The following UBE2E2 variants were observed in gnomAD, a reference collection of about 807,000 sequenced individuals.
UBE2E2 encodes the protein ubiquitin-conjugating enzyme E2 E2.
UBE2E2 carries 6 observed loss-of-function variants against 24.7 expected under a neutral mutation model. The ratio of observed to expected loss-of-function variants is 0.24; its 90% confidence interval spans 0.13 to 0.48. UBE2E2 has a LOEUF of 0.48. Among genes scored for constraint, UBE2E2 ranks in the 20% least tolerant of loss-of-function variants. The probability of loss-of-function intolerance (pLI) is 0.99; values close to 1 mark genes in which losing one functional copy is unlikely to be tolerated. For missense variants in UBE2E2, 169 were observed against 245.0 expected, an observed-to-expected ratio of 0.69 and a Z score of 2.07; for synonymous variants, 104 against 83.6, an observed-to-expected ratio of 1.24 and a Z score of -1.33.
At chr3:23,442,792 G>C (rs1054900091) in intron 3 of UBE2E2, among the ~76,000 whole-genome samples, 1 of 152,164 alleles carries the variant, frequency 6.6e-6, no homozygotes, top group Non-Finnish European at 1.5e-5. Flanking sequence ...AGGGGGCGTG[G>C]TTACTGATTC....
At chr3:23,547,846 C>G (rs1695557930) in intron 5 of UBE2E2, among the ~76,000 whole-genome samples, 1 of 152,172 alleles carries the variant, frequency 6.6e-6, no homozygotes, top group African/African-American at 2.4e-5. Context: ...TGATACTACC[C>G]ACCCAGCCCT....
intron 3 of UBE2E2, among the ~76,000 whole-genome samples, chr3:23,347,342 G>A (rs945425480): frequency 6.6e-6 from 1 of 152,168 alleles, no homozygotes; most frequent in Non-Finnish European, 1.5e-5. Context: ...AGAAAATGTG[G>A]CACATATACA....
intron 3 of UBE2E2, among the ~76,000 whole-genome samples, chr3:23,218,705 A>T (rs903225086): frequency 6.6e-6 from 1 of 152,102 alleles, no homozygotes; most frequent in Non-Finnish European, 1.5e-5. Flanking sequence ...CTTTGTTTTA[A>T]TAAGTTTGTT....
At chr3:23,354,946 A>G (rs1372354808) in intron 3 of UBE2E2, among the ~76,000 whole-genome samples, 1 of 152,072 alleles carries the variant, frequency 6.6e-6, no homozygotes, top group Non-Finnish European at 1.5e-5. Flanking sequence ...TTATTGCGGC[A>G]CTATTCACAA....
At chr3:23,542,279 C>T (rs1227776176) in intron 5 of UBE2E2, among the ~76,000 whole-genome samples, 1 of 152,140 alleles carries the variant, frequency 6.6e-6, no homozygotes, top group Non-Finnish European at 1.5e-5. Flanking sequence ...GCGGGTAATG[C>T]ATCTTTTCTG....
At chr3:23,341,954 A>T (rs1695400527) in intron 3 of UBE2E2, among the ~76,000 whole-genome samples, 1 of 152,358 alleles carries the variant, frequency 6.6e-6, no homozygotes, top group Admixed American at 6.5e-5. Context: ...ATAGTTCCAT[A>T]TAACAAAACT....
At chr3:23,270,660 C>G (rs1289622143) in intron 3 of UBE2E2, among the ~76,000 whole-genome samples, 2 of 152,162 alleles carry the variant, frequency 1.3e-5, no homozygotes, top group Admixed American at 1.3e-4. Context: ...AGTCTTTTAA[C>G]TTGCCAAAAA....
At chr3:23,547,231 T>A (rs968602135) in intron 5 of UBE2E2, among the ~76,000 whole-genome samples, 5 of 152,212 alleles carry the variant, frequency 3.3e-5, no homozygotes, top group Non-Finnish European at 7.3e-5. Context: ...AGACATTTTT[T>A]TCTGTGTCTG....
chr3:23,203,624 A>C (rs1575466442), intron 1 of UBE2E2, among the ~76,000 whole-genome samples, 160 bp downstream of exon 1: 4 of 114,694 alleles, frequency 3.5e-5, no homozygotes, highest in Admixed American at 9.4e-5. Context: ...CCGGTTCCCT[A>C]CGCCCCCTCC....
rs531636959 is a variant in UBE2E2, at chr3:23,588,939, C to T, written c.509-795C>T. Among the ~76,000 whole-genome samples the T allele has an allele frequency of 2.0e-4, 31 of 152,186 alleles. 1 individual carries two copies. In the South Asian group the frequency reaches 6.2e-3, roughly 31 times the overall value. ...TGAGGAAGAAGTGGACCATCTCTCCCCTCTTTTGACTGTCCAGCTCAGACT... is the reference window on the plus strand; with the variant it reads ...TGAGGAAGAAGTGGACCATCTCTCCTCTCTTTTGACTGTCCAGCTCAGACT... On this transcript the variant is annotated intron_variant, in intron 5 of 5. Coordinates refer to ENST00000396703, the MANE Select transcript of UBE2E2 (RefSeq NM_152653.4).
At chr3:23,464,608 T>G (rs1465604448) in intron 3 of UBE2E2, among the ~76,000 whole-genome samples, 1 of 152,216 alleles carries the variant, frequency 6.6e-6, no homozygotes, top group Non-Finnish European at 1.5e-5. Context: ...AAATTAACTG[T>G]GACCTTAAAT....
intron 3 of UBE2E2, among the ~76,000 whole-genome samples, chr3:23,224,121 C>T: frequency 7.9e-6 from 1 of 126,660 alleles, no homozygotes; most frequent in Admixed American, 8.0e-5. Context: ...ATTGCTTTGG[C>T]TATTCATAGT....
intron 3 of UBE2E2, among the ~76,000 whole-genome samples, chr3:23,381,742 T>C (rs1248867730): frequency 6.6e-6 from 1 of 152,238 alleles, no homozygotes; most frequent in East Asian, 1.9e-4. Context: ...TTACTGTTCT[T>C]TATAATTGTG....
intron 3 of UBE2E2, among the ~76,000 whole-genome samples, chr3:23,438,117 C>T (rs1698221969): frequency 6.6e-6 from 1 of 152,158 alleles, no homozygotes; most frequent in African/African-American, 2.4e-5. Flanking sequence ...CAAACATGAA[C>T]CAGTACAGGT....
intron 3 of UBE2E2, among the ~76,000 whole-genome samples, chr3:23,449,683 G>T (rs1398653170): frequency 1.3e-5 from 2 of 152,122 alleles, no homozygotes; most frequent in African/African-American, 4.8e-5. Flanking sequence ...TTTCCTAGGG[G>T]ACTCAGGGGC....
At chr3:23,272,649 A>ACTAT (rs1163485366) in intron 3 of UBE2E2, among the ~76,000 whole-genome samples, 15 of 152,288 alleles carry the variant, frequency 9.8e-5, no homozygotes, top group Admixed American at 9.2e-4. Flanking sequence ...AGAGAAATAG[A>ACTAT]CTATCTATCT....
intron 3 of UBE2E2, among the ~76,000 whole-genome samples, chr3:23,231,465 T>C (rs1696971917): frequency 1.3e-5 from 2 of 152,282 alleles, no homozygotes; most frequent in Middle Eastern, 3.4e-3. Flanking sequence ...GCTTTTAAAA[T>C]TTTTCTTATT....
Position 23,574,075 on chromosome 3 carries a change from A to G in UBE2E2, c.509-15659A>G, listed in dbSNP as rs143363630. ...ATGAGATCCTATGATTTGCAACAAC[A>G]TGGACGGAGCTGGAGGTCATTATGT... On this transcript the variant is annotated intron_variant, in intron 5 of 5. Transcript: ENST00000396703. Among the ~76,000 whole-genome samples, 215 of 152,342 alleles carry G rather than the reference A, an allele frequency of 1.4e-3. 5 individuals carry two copies. In the East Asian group the frequency reaches 0.015, roughly 11 times the overall value.
intron 5 of UBE2E2, among the ~76,000 whole-genome samples, chr3:23,587,657 C>A (rs901763767): frequency 3.3e-5 from 5 of 152,068 alleles, no homozygotes; most frequent in Non-Finnish European, 7.4e-5. Context: ...CACTTTGGCC[C>A]CTATTACTCT....
Sources: allele counts gnomAD v4.1 joint callset (sites outside exome capture counted in the v4.1 genomes callset), GRCh38; gene constraint gnomAD v4.1.1; transcripts MANE v1.5; gene names NCBI Gene and HGNC (gene_info 2026-07-23, HGNC 2026-07-21).